FRMPD4: variants seen among roughly 807,000 people sequenced by gnomAD.
The protein encoded by FRMPD4 is FERM and PDZ domain-containing protein 4.
FRMPD4 carries 22 observed loss-of-function variants against 94.1 expected under a neutral mutation model. The observed-to-expected ratio is 0.23, with a 90% CI of 0.17 to 0.33. The LOEUF (loss-of-function observed/expected upper bound fraction) is 0.33. FRMPD4 is among the 10% of genes least tolerant of loss of function. The pLI is 1.00. For missense variants in FRMPD4, 1,111 were observed against 1,339.9 expected (o/e 0.83, Z 2.67); for synonymous variants, 631 against 548.6 (o/e 1.15, Z -2.10).
At chrX:12,482,514 G>A (rs2057698889) in intron 1 of FRMPD4, among the ~76,000 whole-genome samples, 1 of 111,854 alleles carries the variant, frequency 8.9e-6, no homozygotes, top group South Asian at 3.8e-4. Context: ...GCCTAGAACT[G>A]ATAGACAAGT....
chrX:11,842,067 G>A (rs966012016), intron 1 of FRMPD4, among the ~76,000 whole-genome samples: 1 of 108,579 alleles, frequency 9.2e-6, no homozygotes, highest in Non-Finnish European at 1.9e-5. Flanking sequence ...TAGATATGTG[G>A]CGTTATTTCT....
rs1437477517 is a variant in FRMPD4 at position 12,368,544 on chromosome X, C to A, written c.42-130136C>A. On this transcript the variant is annotated intron_variant, in intron 1 of 16. Coordinates refer to ENST00000675598, the MANE Select transcript of FRMPD4 (RefSeq NM_001368397.1). ...TGTGCTATTTTTTTTTTTTTCAAGT[C>A]AAGTCAATAGATTCAAAACATTTAA... is the stretch of plus-strand genomic sequence containing the variant. Among the ~76,000 whole-genome samples, 8 of 107,919 alleles carry A rather than the reference C, an allele frequency of 7.4e-5. No homozygotes were observed. The Admixed American group carries it at 7.9e-4, about 11-fold the overall frequency. The allele number at this position is 107,919 out of a possible 115,157, so 93.7% of individuals were successfully genotyped here.
intron 3 of FRMPD4, among the ~76,000 whole-genome samples, chrX:12,005,022 G>A (rs1441537205): frequency 8.9e-6 from 1 of 112,177 alleles, no homozygotes; most frequent in Non-Finnish European, 1.9e-5. Context: ...GCATTTATTA[G>A]ACTCATATCT....
At chrX:11,959,960 C>T (rs933602117) in intron 3 of FRMPD4, among the ~76,000 whole-genome samples, 2 of 111,354 alleles carry the variant, frequency 1.8e-5, no homozygotes, top group Non-Finnish European at 3.8e-5. Flanking sequence ...CTAAAAACAG[C>T]TCTGTTGGTG....
intron 4 of FRMPD4, among the ~76,000 whole-genome samples, chrX:12,665,035 G>T (rs1235060459): frequency 1.8e-5 from 2 of 111,350 alleles, no homozygotes; most frequent in African/African-American, 3.3e-5. Context: ...TATTACTCTG[G>T]GATCAGTGGT....
In FRMPD4 at chrX:12,538,825, C is replaced by T. The variant is rs142477255; in HGVS notation, c.158+40029C>T. On this transcript the variant is annotated intron_variant, in intron 2 of 16. Coordinates refer to ENST00000675598, the MANE Select transcript of FRMPD4 (RefSeq NM_001368397.1). ...TCTGTACGTCACCATCATCAAAGAC[C>T]AAAGGTAGATAAAACCACAAAGATG... Among the ~76,000 whole-genome samples the T allele has an allele frequency of 4.6e-3, 511 of 111,042 alleles. 3 individuals are homozygous for T. The highest frequency in any genetic ancestry group is 0.012 in the African/African-American group (368 of 30,609).
chrX:12,337,007 G>C (rs1278322580), intron 1 of FRMPD4, among the ~76,000 whole-genome samples: 1 of 111,211 alleles, frequency 9.0e-6, no homozygotes, highest in Non-Finnish European at 1.9e-5. Context: ...GTGTACTTCT[G>C]TGTGTGTTAG....
At chrX:12,471,287 A>G (rs1324807329) in intron 1 of FRMPD4, among the ~76,000 whole-genome samples, 1 of 112,341 alleles carries the variant, frequency 8.9e-6, no homozygotes, top group Non-Finnish European at 1.9e-5. Context: ...ATTCCACTCC[A>G]AGGAAAGAGG....
Position 12,716,257 on chromosome X carries a change from G to A in FRMPD4, c.1798G>A (p.Ala600Thr). ...KEHRHLYIDN[A>T]YSSDGLNQQL... is the part of the protein sequence containing the mutation. ...GCACCGGCACTTGTACATAGACAAT[G>A]CCTATAGTTCAGATGGACTTAACCA... The change falls in exon 15 of 17, where the codon GCC becomes ACC. Residue 600 changes from alanine to threonine, a missense_variant. Coordinates refer to ENST00000675598, the MANE Select transcript of FRMPD4 (RefSeq NM_001368397.1). 8.3e-7 allele frequency: 1 copy of A among 1,210,710 alleles called. No homozygotes were observed. Among genetic ancestry groups the A allele is most frequent in the East Asian group, 3.0e-5 (1 of 33,845 alleles).
At chrX:12,513,901 G>A (rs1268086640) in intron 2 of FRMPD4, among the ~76,000 whole-genome samples, 1 of 111,581 alleles carries the variant, frequency 9.0e-6, no homozygotes, top group Non-Finnish European at 1.9e-5. Context: ...TTTGAGCAGT[G>A]GTTTCTAGTT....
At chrX:11,978,623 A>G (rs1346713779) in intron 3 of FRMPD4, among the ~76,000 whole-genome samples, 2 of 112,049 alleles carry the variant, frequency 1.8e-5, no homozygotes, top group African/African-American at 3.2e-5. Flanking sequence ...TGAAGTAATG[A>G]AATGGTTATT....
intron 2 of FRMPD4, among the ~76,000 whole-genome samples, chrX:12,505,027 G>A (rs766195772): frequency 4.5e-5 from 5 of 111,601 alleles, no homozygotes; most frequent in East Asian, 5.7e-4. Flanking sequence ...GCACTGGGTC[G>A]CCTCTTTCTT....
chrX:11,854,120 G>A (rs867353150), intron 1 of FRMPD4, among the ~76,000 whole-genome samples: 6 of 111,598 alleles, frequency 5.4e-5, no homozygotes, highest in African/African-American at 9.8e-5. Flanking sequence ...GGGCAGCAGG[G>A]GAGAGAATGA....
intron 1 of FRMPD4, among the ~76,000 whole-genome samples, chrX:12,306,514 A>G (rs1206830566): frequency 1.8e-5 from 2 of 112,120 alleles, no homozygotes; most frequent in Non-Finnish European, 3.8e-5. Flanking sequence ...ACAAAATTCA[A>G]TGTCTTTTAA....
At chrX:12,276,283 C>T (rs955293387) in intron 1 of FRMPD4, among the ~76,000 whole-genome samples, 6 of 112,074 alleles carry the variant, frequency 5.4e-5, no homozygotes, top group African/African-American at 2.0e-4. Flanking sequence ...GACCAAAGGA[C>T]GATGACACAG....
chrX:12,313,265 G>C (rs1437294868), intron 1 of FRMPD4, among the ~76,000 whole-genome samples: 2 of 112,234 alleles, frequency 1.8e-5, no homozygotes, highest in Non-Finnish European at 3.8e-5. Flanking sequence ...CAGGACTCTG[G>C]AGTCAGGGGT....
intron 1 of FRMPD4, among the ~76,000 whole-genome samples, chrX:12,482,071 G>A (rs911445281): frequency 1.9e-5 from 2 of 107,655 alleles, no homozygotes; most frequent in African/African-American, 3.4e-5. Flanking sequence ...TCGTCTTCAC[G>A]TTGAATAGGT....
chrX:12,312,682 C>T (rs2055054473), intron 1 of FRMPD4, among the ~76,000 whole-genome samples: 1 of 111,807 alleles, frequency 8.9e-6, no homozygotes, highest in African/African-American at 3.3e-5. Flanking sequence ...AAACTGAATG[C>T]CCTTGTTTAT....
chrX:12,114,804 CA>C (rs1460937736), intron 3 of FRMPD4, among the ~76,000 whole-genome samples: 1 of 112,428 alleles, frequency 8.9e-6, no homozygotes, highest in Non-Finnish European at 1.9e-5. Flanking sequence ...GACAAAAATA[CA>C]AAATGACTTT....
Sources: gnomAD v4.1 joint callset for allele counts (sites outside exome capture counted in the v4.1 genomes callset) on GRCh38, gnomAD v4.1.1 for gene constraint, MANE v1.5 for transcripts, NCBI Gene and HGNC (gene_info 2026-07-23, HGNC 2026-07-21) for gene names.